TRIM5: variants seen among roughly 807,000 people sequenced by gnomAD.
TRIM5 encodes tripartite motif containing 5.
TRIM5 carries 31 observed loss-of-function variants against 35.6 expected under a neutral mutation model. That is an observed-to-expected ratio of 0.87 (90% CI 0.65 to 1.18). The LOEUF (loss-of-function observed/expected upper bound fraction) is 1.18. Ranked by LOEUF, TRIM5 falls within the 50% of genes most tolerant of loss-of-function variation. The pLI is 0.00. For missense variants in TRIM5, 609 were observed against 591.6 expected (o/e 1.03, Z -0.31); for synonymous variants, 243 against 215.6 (o/e 1.13, Z -1.11).
At chr11:5,644,537 C>T in the TRIM5 span, 1 of 327,684 alleles carries the variant, frequency 3.1e-6, no homozygotes, top group East Asian at 4.7e-5. Context: ...TTTTATAGAA[C>T]TTTTTATACT....
chr11:5,657,233 T>C, the TRIM5 span, among the ~76,000 whole-genome samples: 1 of 151,952 alleles, frequency 6.6e-6, no homozygotes, highest in South Asian at 2.1e-4. Flanking sequence ...ACACTGCATG[T>C]TCTCACTTAT....
intron 3 of TRIM5, 52 bp from the exon 4 acceptor site, chr11:5,678,486 G>C (rs752465852): frequency 1.9e-5 from 27 of 1,419,998 alleles, no homozygotes; most frequent in Non-Finnish European, 2.5e-5. Flanking sequence ...GGCAGAGGCT[G>C]TTAGCCAGAA....
At chr11:5,595,586 A>G in the TRIM5 span, among the ~76,000 whole-genome samples, 1 of 152,198 alleles carries the variant, frequency 6.6e-6, no homozygotes, top group Non-Finnish European at 1.5e-5. Context: ...TTAAACTCTG[A>G]TATGATATTA....
the TRIM5 span, chr11:5,634,888 T>G: frequency 1.2e-6 from 2 of 1,603,974 alleles, no homozygotes; most frequent in Non-Finnish European, 1.7e-6. Flanking sequence ...AATCTGAGAT[T>G]CTGGGAACAC....
At chr11:5,677,264 A>C (rs1852059898) in intron 4 of TRIM5, among the ~76,000 whole-genome samples, 1 of 152,138 alleles carries the variant, frequency 6.6e-6, no homozygotes, top group African/African-American at 2.4e-5. Context: ...CAAGAAAAAA[A>C]CAAACAACCC....
intron 3 of TRIM5, 122 bp from the exon 4 acceptor site, chr11:5,678,556 G>T (rs1034596538): frequency 2.7e-6 from 2 of 746,410 alleles, no homozygotes; most frequent in Admixed American, 3.1e-5. Flanking sequence ...AGGAGAGTAG[G>T]TCTTAGGAAA....
the TRIM5 span, among the ~76,000 whole-genome samples, chr11:5,606,495 T>C: frequency 6.6e-6 from 1 of 152,192 alleles, no homozygotes; most frequent in Non-Finnish European, 1.5e-5. Flanking sequence ...CTCTTGCTCC[T>C]TCTTTCTTGG....
In TRIM5 at chr11:5,669,271, G is replaced by T. The variant is rs1851394050; in HGVS notation, c.745-1560C>A. Among the ~76,000 whole-genome samples, 3 of 151,310 alleles carry T rather than the reference G, an allele frequency of 2.0e-5. 1 individual carries two copies. In the South Asian group the frequency reaches 6.3e-4, roughly 32 times the overall value. On this transcript the variant is annotated intron_variant, in intron 4 of 7. Coordinates refer to ENST00000380034, the MANE Select transcript of TRIM5 (RefSeq NM_033034.3). ...ATTTTTGTATTTTTAGTAGAGACAG[G>T]GTTTCTCCATGTTGGTCGGGCTGGT...
At chr11:5,614,545 G>T in the TRIM5 span, among the ~76,000 whole-genome samples, 1 of 152,188 alleles carries the variant, frequency 6.6e-6, no homozygotes, top group African/African-American at 2.4e-5. Flanking sequence ...GATTTTGGTG[G>T]AAACTGCCTG....
At chr11:5,624,891 C>T in the TRIM5 span, 1 of 152,310 alleles carries the variant, frequency 6.6e-6, no homozygotes, top group Non-Finnish European at 1.5e-5. Context: ...CCCCTTTTCT[C>T]TTCCTGACAG....
the TRIM5 span, chr11:5,645,896 T>TATATATATATATATATATATATATAG: frequency 6.4e-6 from 1 of 156,486 alleles, no homozygotes; most frequent in African/African-American, 3.1e-5. Flanking sequence ...TATATATATA[T>TATATATATATATATATATATATATAG]CTATATATAG....
chr11:5,595,834 A>C, the TRIM5 span, among the ~76,000 whole-genome samples: 1 of 151,506 alleles, frequency 6.6e-6, no homozygotes, highest in Non-Finnish European at 1.5e-5. Flanking sequence ...CTAGGACCAC[A>C]GGCGCGCCCA....
the TRIM5 span, among the ~76,000 whole-genome samples, chr11:5,641,700 G>A: frequency 6.6e-6 from 1 of 152,172 alleles, no homozygotes; most frequent in Non-Finnish European, 1.5e-5. Context: ...CTCTGGTGAT[G>A]ATAATTAATC....
rs188245121 is a variant in TRIM5 at position 5,681,020 on chromosome 11, A to T, written c.-61-782T>A. Among the ~76,000 whole-genome samples the T allele has an allele frequency of 3.3e-5, 5 of 152,314 alleles. No individual in the cohort carries two copies. The East Asian group carries it at 9.6e-4, about 29-fold the overall frequency. ...GTGTGGAAGTAGAGGAATCCACAAC[A>T]GCTGGGAGGTTCTGAGGAGTCTCAT... On this transcript the variant is annotated intron_variant, in intron 1 of 7. Coordinates refer to ENST00000380034, the MANE Select transcript of TRIM5 (RefSeq NM_033034.3).
chr11:5,671,644 A>T (rs1274452835), intron 4 of TRIM5, among the ~76,000 whole-genome samples: 1 of 152,122 alleles, frequency 6.6e-6, no homozygotes, highest in African/African-American at 2.4e-5. Context: ...AACAGAGGGA[A>T]AAAAGACTTA....
the TRIM5 span, among the ~76,000 whole-genome samples, chr11:5,595,646 G>C: frequency 6.6e-6 from 1 of 152,110 alleles, no homozygotes; most frequent in Non-Finnish European, 1.5e-5. Flanking sequence ...CTCTGGCCTG[G>C]TGTTCTCAAA....
At chr11:5,643,762 T>C in the TRIM5 span, 1 of 1,525,526 alleles carries the variant, frequency 6.6e-7, no homozygotes, top group Non-Finnish European at 8.8e-7. Flanking sequence ...CTCCTGCAAC[T>C]GACTCATCTG....
downstream of TRIM5, among the ~76,000 whole-genome samples, chr11:5,658,633 T>C (rs1342925768): frequency 6.6e-6 from 1 of 152,242 alleles, no homozygotes; most frequent in African/African-American, 2.4e-5. Flanking sequence ...TCAGGTTTAC[T>C]TGATTTTCAC....
the TRIM5 span, chr11:5,643,124 T>TATATATATAG: frequency 4.4e-6 from 5 of 1,133,114 alleles, no homozygotes; most frequent in Non-Finnish European, 4.5e-6. Flanking sequence ...CATATATATA[T>TATATATATAG]ATTTTTTTTT....
Sources: gnomAD v4.1 joint callset for allele counts (sites outside exome capture counted in the v4.1 genomes callset) on GRCh38, gnomAD v4.1.1 for gene constraint, MANE v1.5 for transcripts, NCBI Gene and HGNC (gene_info 2026-07-23, HGNC 2026-07-21) for gene names.